The following PCDHA2 variants were observed in gnomAD, a reference collection of about 807,000 sequenced individuals.
PCDHA2 encodes the protein protocadherin alpha 2, also known as protocadherin alpha-2.
In PCDHA2, 58 loss-of-function variants were observed where a neutral mutation model predicts 66.0. The ratio of observed to expected loss-of-function variants is 0.88; its 90% CI spans 0.71 to 1.09. The LOEUF (loss-of-function observed/expected upper bound fraction) is 1.09, where lower values mean the gene tolerates loss of function less well. Among genes scored for constraint, PCDHA2 ranks in the 50% least tolerant of loss-of-function variants. The pLI is 0.00. For missense variants in PCDHA2, 1,267 were observed against 1,242.3 expected (o/e 1.02, Z -0.30); for synonymous variants, 634 against 554.0 (o/e 1.14, Z -2.03).
intron 1 of PCDHA2, among the ~76,000 whole-genome samples, chr5:140,890,952 G>C (rs555852578): frequency 1.9e-4 from 29 of 152,236 alleles, no homozygotes; most frequent in African/African-American, 7.0e-4. Context: ...GGTGAGGAAT[G>C]ATTTCAGGTT....
At chr5:140,888,695 A>G (rs1161003821) in intron 1 of PCDHA2, among the ~76,000 whole-genome samples, 3 of 152,094 alleles carry the variant, frequency 2.0e-5, no homozygotes, top group African/African-American at 7.2e-5. Flanking sequence ...CTCTTCTCTG[A>G]TTGGTAGGAA....
rs2150124604 is a variant in PCDHA2 at position 140,823,315 on chromosome 5, G to C, written c.2388+25963G>C. 2.4e-5 allele frequency: 39 copies of C among 1,612,268 alleles called. No homozygotes were observed. The Admixed American group carries it at 5.5e-4, about 23-fold the overall frequency. On this transcript the variant is annotated intron_variant, in intron 1 of 3. Transcript: ENST00000526136. ...TTACGTTTCGGTGCACGCGGAGAGC[G>C]GCAAGGTGTACGCGCTGCAGCCGCT...
intron 1 of PCDHA2, among the ~76,000 whole-genome samples, chr5:140,978,727 G>A (rs1382730289): frequency 1.3e-5 from 2 of 152,198 alleles, no homozygotes; most frequent in South Asian, 2.1e-4. Flanking sequence ...TATTAAATCT[G>A]GTCTTCCAGG....
At chr5:141,000,361 G>GTC (rs148596731) in intron 3 of PCDHA2, among the ~76,000 whole-genome samples, 441 of 26,430 alleles carry the variant, frequency 0.017, 8 homozygotes, top group Non-Finnish European at 0.02. Flanking sequence ...GTCTCTCTCT[G>GTC]TCTCTCTCTC....
chr5:140,829,624 C>A, intron 1 of PCDHA2: 1 of 1,612,182 alleles, frequency 6.2e-7, no homozygotes, highest in Non-Finnish European at 8.5e-7. Context: ...TTTCGGTGCA[C>A]GCGGAGAGCG....
rs782167817 is a variant in PCDHA2 at position 140,875,512 on chromosome 5, C to G, written c.2388+78160C>G. Reference sequence around the variant, plus strand: ...ACCAAGAGGCCCGGGATCCCAGCGTCTGCTGCTCTCGCTTCTGCTCCTTGC... The same window carrying G: ...ACCAAGAGGCCCGGGATCCCAGCGTGTGCTGCTCTCGCTTCTGCTCCTTGC... On this transcript the variant is annotated intron_variant, in intron 1 of 3. Coordinates refer to ENST00000526136, the MANE Select transcript of PCDHA2 (RefSeq NM_018905.3). 3 of 1,613,928 alleles carry G rather than the reference C, an allele frequency of 1.9e-6. No individual in the cohort carries two copies. The East Asian group carries it at 6.7e-5, about 36-fold the overall frequency.
At chr5:140,974,894 A>C (rs1554236433) in intron 1 of PCDHA2, among the ~76,000 whole-genome samples, 2 of 152,184 alleles carry the variant, frequency 1.3e-5, no homozygotes, top group Admixed American at 6.5e-5. Context: ...TTTTCTGATG[A>C]TTTGTAACAA....
chr5:140,810,980 TA>T (rs1554125624), intron 1 of PCDHA2: 1 of 152,128 alleles, frequency 6.6e-6, no homozygotes, highest in African/African-American at 2.4e-5. Context: ...TGTTGTGAGG[TA>T]GGGGTCAAGA....
At chr5:140,969,284 G>T (rs782449740) in intron 1 of PCDHA2, 1 of 1,614,216 alleles carries the variant, frequency 6.2e-7, no homozygotes, top group Non-Finnish European at 8.5e-7. Flanking sequence ...TGGTCAGAAT[G>T]CTGGGAACCT....
chr5:140,877,224 G>T, intron 1 of PCDHA2: 1 of 1,613,712 alleles, frequency 6.2e-7, no homozygotes, highest in Non-Finnish European at 8.5e-7. Flanking sequence ...TACCGCGGTC[G>T]GTGGGTGCGG....
At chr5:140,968,173 C>T (rs782043932) in intron 1 of PCDHA2, 10 of 1,614,104 alleles carry the variant, frequency 6.2e-6, no homozygotes, top group Admixed American at 1.7e-5. Flanking sequence ...CACCAAGCTT[C>T]CTGGAGGACT....
intron 1 of PCDHA2, among the ~76,000 whole-genome samples, chr5:140,954,107 C>G (rs1375819333): frequency 2.0e-5 from 3 of 152,182 alleles, no homozygotes; most frequent in Admixed American, 1.3e-4. Flanking sequence ...CTGCAAAGGA[C>G]AAGATCTTGT....
chr5:140,856,837 C>A, intron 1 of PCDHA2: 1 of 1,591,918 alleles, frequency 6.3e-7, no homozygotes, highest in Non-Finnish European at 8.6e-7. Flanking sequence ...TAATACGGCT[C>A]AACGCTTCTG....
At chr5:140,820,147 A>G (rs1240842314) in intron 1 of PCDHA2, among the ~76,000 whole-genome samples, 1 of 152,006 alleles carries the variant, frequency 6.6e-6, no homozygotes, top group Non-Finnish European at 1.5e-5. Context: ...TTTCAAAATT[A>G]TCAGTATGAA....
intron 1 of PCDHA2, chr5:140,824,314 T>C (rs986796925): frequency 2.7e-6 from 2 of 754,632 alleles, no homozygotes; most frequent in Non-Finnish European, 4.4e-6. Context: ...AATAGATTCA[T>C]CAGCTTTCTG....
At chr5:140,808,135 T>C in intron 1 of PCDHA2, 1 of 1,614,028 alleles carries the variant, frequency 6.2e-7, no homozygotes, top group Non-Finnish European at 8.5e-7. Flanking sequence ...GCAAATCCTA[T>C]GAAATTATTG....
chr5:140,925,641 TATAATAATA>T (rs10569930), intron 1 of PCDHA2, among the ~76,000 whole-genome samples: 3,728 of 143,338 alleles, frequency 0.026, 107 homozygotes, highest in African/African-American at 0.059. Context: ...GAACTTAAAG[TATAATAATA>T]ATAATAATAA....
chr5:140,871,106 T>C (rs1554165125), intron 1 of PCDHA2: 1 of 1,613,128 alleles, frequency 6.2e-7, no homozygotes, highest in African/African-American at 1.3e-5. Context: ...CTGGTGTCGT[T>C]GGTGGAGAGC....
At chr5:140,851,327 T>C in intron 1 of PCDHA2, 1 of 984,006 alleles carries the variant, frequency 1.0e-6, no homozygotes, top group East Asian at 8.4e-5. Context: ...GTTAAGTTTG[T>C]AGTTCTCTAC....
Sources: allele counts gnomAD v4.1 joint callset (sites outside exome capture counted in the v4.1 genomes callset), GRCh38; gene constraint gnomAD v4.1.1; transcripts MANE v1.5; gene names NCBI Gene and HGNC (gene_info 2026-07-23, HGNC 2026-07-21).